ARHGAP6: variants seen among roughly 807,000 people sequenced by gnomAD.
The protein encoded by ARHGAP6 is rho GTPase-activating protein 6.
Under a neutral mutation model 55.7 loss-of-function variants are expected in ARHGAP6, and 16 were observed. That is an observed-to-expected ratio of 0.29 (90% CI 0.19 to 0.44). ARHGAP6 has a LOEUF of 0.44. Ranked by LOEUF, ARHGAP6 falls within the 20% of genes least tolerant of loss-of-function variation. The probability of loss-of-function intolerance (pLI) is 1.00; values close to 1 mark genes in which losing one functional copy is unlikely to be tolerated. For synonymous variants in ARHGAP6, 382 were observed against 360.9 expected (o/e 1.06, Z -0.66); for missense variants, 698 against 808.9 (o/e 0.86, Z 1.66).
In ARHGAP6 at chrX:11,349,571, C is replaced by T. The variant is rs369171139; in HGVS notation, c.589-94864G>A. 1.7e-4 allele frequency among the ~76,000 whole-genome samples: 19 copies of T among 111,646 alleles called. No homozygotes were observed. In the South Asian group the frequency reaches 7.2e-3, roughly 42 times the overall value. ...TGAATGAGAGCAAAAAAAAAGAATACTCTTCTTCAGATCTAAATAAAATAG... is the reference window on the plus strand; with the variant it reads ...TGAATGAGAGCAAAAAAAAAGAATATTCTTCTTCAGATCTAAATAAAATAG... On this transcript the variant is annotated intron_variant, in intron 1 of 12. Coordinates refer to ENST00000337414, the MANE Select transcript of ARHGAP6 (RefSeq NM_013427.3).
intron 1 of ARHGAP6, among the ~76,000 whole-genome samples, chrX:11,514,967 T>G (rs1461702574): frequency 9.0e-6 from 1 of 111,239 alleles, no homozygotes; most frequent in Non-Finnish European, 1.9e-5. Flanking sequence ...TATCTGTAAA[T>G]TCTCATAGCC....
intron 1 of ARHGAP6, among the ~76,000 whole-genome samples, chrX:11,425,509 C>A (rs2049869249): frequency 8.9e-6 from 1 of 112,067 alleles, no homozygotes; most frequent in South Asian, 3.8e-4. Context: ...GCATAGGAAA[C>A]TTCAGAGAGC....
chrX:11,462,414 T>C (rs1187594118), intron 1 of ARHGAP6, among the ~76,000 whole-genome samples: 1 of 112,204 alleles, frequency 8.9e-6, no homozygotes, highest in Non-Finnish European at 1.9e-5. Flanking sequence ...GAAAGCGACC[T>C]TTGCATTGTT....
intron 1 of ARHGAP6, among the ~76,000 whole-genome samples, chrX:11,502,109 C>G (rs1160109333): frequency 2.7e-5 from 3 of 112,312 alleles, no homozygotes; most frequent in Non-Finnish European, 5.6e-5. Flanking sequence ...GGAAATAACT[C>G]ATATGTTCAT....
At chrX:11,616,032 C>T (rs1457716207) in intron 1 of ARHGAP6, among the ~76,000 whole-genome samples, 3 of 111,455 alleles carry the variant, frequency 2.7e-5, no homozygotes, top group Non-Finnish European at 5.7e-5. Context: ...GGAGGAGAAG[C>T]GTAGAGAGAG....
At chrX:11,201,970 G>A (rs1443443215) in intron 2 of ARHGAP6, among the ~76,000 whole-genome samples, 1 of 97,109 alleles carries the variant, frequency 1.0e-5, no homozygotes, top group African/African-American at 3.9e-5. Flanking sequence ...ACCACTGTGT[G>A]CAAACTGAGC....
chrX:11,432,345 T>A (rs12835034), intron 1 of ARHGAP6, among the ~76,000 whole-genome samples: 1 of 112,524 alleles, frequency 8.9e-6, no homozygotes, highest in African/African-American at 3.2e-5. Flanking sequence ...TTTATCTTTG[T>A]AACTGTTGAT....
At chrX:11,612,196 A>T (rs1302483420) in intron 1 of ARHGAP6, among the ~76,000 whole-genome samples, 1 of 111,794 alleles carries the variant, frequency 8.9e-6, no homozygotes, top group Non-Finnish European at 1.9e-5. Flanking sequence ...GTTTGCCTGC[A>T]CATAGCTGAA....
intron 1 of ARHGAP6, among the ~76,000 whole-genome samples, chrX:11,264,287 A>G (rs2047597094): frequency 8.9e-6 from 1 of 111,967 alleles, no homozygotes; most frequent in Non-Finnish European, 1.9e-5. Context: ...AGCATGAAAT[A>G]GAAGTGGTTA....
At chrX:11,208,746 A>G (rs1470069016) in intron 2 of ARHGAP6, among the ~76,000 whole-genome samples, 3 of 111,976 alleles carry the variant, frequency 2.7e-5, no homozygotes, top group African/African-American at 9.8e-5. Context: ...AACTGAGTTC[A>G]GTCATGCAGA....
intron 2 of ARHGAP6, among the ~76,000 whole-genome samples, chrX:11,246,740 A>G (rs1267622973): frequency 8.9e-6 from 1 of 111,918 alleles, no homozygotes; most frequent in Non-Finnish European, 1.9e-5. Flanking sequence ...TGGTCTCATT[A>G]TTCCGTGATC....
intron 1 of ARHGAP6, among the ~76,000 whole-genome samples, chrX:11,555,963 G>C (rs761577952): frequency 9.0e-6 from 1 of 111,050 alleles, no homozygotes; most frequent in Non-Finnish European, 1.9e-5. Flanking sequence ...CTGATGAAAC[G>C]GAAGTTCACT....
Position 11,347,862 on chromosome X carries a change from A to G in ARHGAP6, c.589-93155T>C, listed in dbSNP as rs753971688. 3.2e-5 allele frequency among the ~76,000 whole-genome samples: 3 copies of G among 94,937 alleles called. No individual in the cohort carries two copies. In the South Asian group the frequency reaches 1.7e-3, roughly 55 times the overall value. 82.4% of individuals were successfully genotyped at this position (94,937 alleles called of 115,157 possible). On this transcript the variant is annotated intron_variant, in intron 1 of 12. Coordinates refer to ENST00000337414, the MANE Select transcript of ARHGAP6 (RefSeq NM_013427.3). ...CCACAAAGTAGTGAATCCAGATTAA[A>G]TGAGCTACAATCCTGTGATAGGTCC...
chrX:11,539,354 G>A (rs1360691208), intron 1 of ARHGAP6, among the ~76,000 whole-genome samples: 2 of 112,250 alleles, frequency 1.8e-5, no homozygotes, highest in Non-Finnish European at 3.8e-5. Context: ...GACAATTAAT[G>A]CACCACCCTT....
chrX:11,566,259 T>C (rs777214497), intron 1 of ARHGAP6, among the ~76,000 whole-genome samples: 1 of 112,043 alleles, frequency 8.9e-6, no homozygotes, highest in East Asian at 2.8e-4. Context: ...TCATGTCTGG[T>C]TCACTGGTGT....
chrX:11,276,815 G>C (rs945875460), intron 1 of ARHGAP6, among the ~76,000 whole-genome samples: 6 of 112,162 alleles, frequency 5.3e-5, no homozygotes, highest in African/African-American at 1.9e-4. Context: ...CTTTCTCTGA[G>C]CAATGAAGCA....
In ARHGAP6 at chrX:11,384,363, C is replaced by A. The variant is rs904467221; in HGVS notation, c.589-129656G>T. 3.6e-5 allele frequency among the ~76,000 whole-genome samples: 4 copies of A among 111,967 alleles called. No homozygotes were observed. The East Asian group carries it at 1.1e-3, about 31-fold the overall frequency. Reference sequence around the variant, plus strand: ...ACTTTCAAGGGTGGTGCTAACTGGACAAATGGACCAGCTTAATGCAGTTGT... The same window carrying A: ...ACTTTCAAGGGTGGTGCTAACTGGAAAAATGGACCAGCTTAATGCAGTTGT... On this transcript the variant is annotated intron_variant, in intron 1 of 12. Coordinates refer to ENST00000337414, the MANE Select transcript of ARHGAP6 (RefSeq NM_013427.3).
At chrX:11,365,912 G>A (rs765288718) in intron 1 of ARHGAP6, among the ~76,000 whole-genome samples, 2 of 112,349 alleles carry the variant, frequency 1.8e-5, no homozygotes, top group Non-Finnish European at 3.8e-5. Flanking sequence ...GGACATCTGA[G>A]ATCATGGTGC....
chrX:11,511,858 G>A (rs1043278115), intron 1 of ARHGAP6, among the ~76,000 whole-genome samples: 5 of 110,513 alleles, frequency 4.5e-5, no homozygotes, highest in East Asian at 2.9e-4. Context: ...ACAGAGTCTC[G>A]CTCTGTCACC....
Sources: gnomAD v4.1 joint callset for allele counts (sites outside exome capture counted in the v4.1 genomes callset) on GRCh38, gnomAD v4.1.1 for gene constraint, MANE v1.5 for transcripts, NCBI Gene and HGNC (gene_info 2026-07-23, HGNC 2026-07-21) for gene names.